The following IKBKE variants were observed in gnomAD, a reference collection of about 807,000 sequenced individuals.
IKBKE encodes inhibitor of nuclear factor kappa B kinase subunit epsilon, also known as inhibitor of nuclear factor kappa-B kinase subunit epsilon.
IKBKE carries 45 observed loss-of-function variants against 92.1 expected under a neutral mutation model. The observed-to-expected ratio is 0.49, with a 90% CI of 0.38 to 0.63. IKBKE has a LOEUF of 0.63. Among genes scored for constraint, IKBKE ranks in the 20% least tolerant of loss-of-function variants. The pLI is 0.00. For synonymous variants in IKBKE, 374 were observed against 380.3 expected, an observed-to-expected ratio of 0.98 and a Z score of 0.19; for missense variants, 700 against 932.8, an observed-to-expected ratio of 0.75 and a Z score of 3.25.
intron 21 of IKBKE, among the ~76,000 whole-genome samples, chr1:206,494,508 T>C (rs1400338897): frequency 6.6e-6 from 1 of 151,058 alleles, no homozygotes; most frequent in Non-Finnish European, 1.5e-5. Context: ...CTTGGGGTGC[T>C]GAGGGGTCAT....
intron 3 of IKBKE, among the ~76,000 whole-genome samples, chr1:206,473,764 C>T (rs139722197): frequency 3.9e-5 from 6 of 152,002 alleles, no homozygotes; most frequent in African/African-American, 1.4e-4. Flanking sequence ...GAGATCGAGA[C>T]CATCCTGGTC....
chr1:206,494,793 AG>A (rs1476616100), intron 21 of IKBKE, among the ~76,000 whole-genome samples: 1 of 150,900 alleles, frequency 6.6e-6, no homozygotes, highest in Non-Finnish European at 1.5e-5. Flanking sequence ...TAGTAGAGAC[AG>A]GGTTTCACCA....
In IKBKE at chr1:206,479,114, G is replaced by A. The variant is rs782681154; in HGVS notation, c.1164G>A (p.Lys388=). 1 of 1,606,782 alleles carries A rather than the reference G, an allele frequency of 6.2e-7. No homozygotes were observed. Among genetic ancestry groups the A allele is most frequent in the Admixed American group, 1.7e-5 (1 of 59,656 alleles). The change falls in exon 10 of 22, where the codon AAG becomes AAA. Residue 388 remains lysine, a synonymous_variant. Coordinates refer to ENST00000581977, the MANE Select transcript of IKBKE (RefSeq NM_014002.4). ...CCCTCTTCAGCACAGCCATCCCTAA[G>A]GGGCTGGCCTTCAGGGACCGTGAGT... ...PLTLFSTAIP[K]GLAFRDPALD... is the part of the protein sequence containing the mutation.
In IKBKE at chr1:206,478,402, C is replaced by A; in HGVS notation, c.992+63C>A. 6.7e-7 allele frequency: 1 copy of A among 1,498,994 alleles called. No individual in the cohort carries two copies. Among genetic ancestry groups the A allele is most frequent in the Non-Finnish European group, 9.2e-7 (1 of 1,088,386 alleles). The allele number at this position is 1,498,994 out of a possible 1,614,324, so 92.9% of individuals were successfully genotyped here. ...CTCTACCCAAGCAGCAGTGCATGTCCAAAGCAGCATCTCCCACAGTACGTT... is the reference window on the plus strand; with the variant it reads ...CTCTACCCAAGCAGCAGTGCATGTCAAAAGCAGCATCTCCCACAGTACGTT... On this transcript the variant is annotated intron_variant, in intron 9 of 21. Transcript: ENST00000581977. The surrounding 1 kb of genome is among the most constrained non-coding windows in gnomAD (Gnocchi z 4.8).
Position 206,490,955 on chromosome 1 carries a change from C to A in IKBKE, c.1733+97C>A. 9.0e-7 allele frequency: 1 copy of A among 1,113,750 alleles called. No individual in the cohort carries two copies. Among genetic ancestry groups the A allele is most frequent in the East Asian group, 2.3e-5 (1 of 42,680 alleles). The allele number at this position is 1,113,750 out of a possible 1,614,324, so 69.0% of individuals were successfully genotyped here. A position where few individuals can be genotyped will look rare whatever the true frequency, so the allele number is the denominator to read the frequency against. On this transcript the variant is annotated intron_variant, in intron 17 of 21. Coordinates refer to ENST00000581977, the MANE Select transcript of IKBKE (RefSeq NM_014002.4). This position sits in a 1 kb window ranked among gnomAD's most constrained non-coding sequence, Gnocchi z 5.2. ...GCCAGAGGAGAGGCAGTGAAGGGCC[C>A]TGTCCCGGACTGCAGCTGAGCAGAG...
At position 206,496,553 on chromosome 1, in the gene IKBKE, G is replaced by T; in HGVS notation, c.*408G>T. 1 of 261,802 alleles carries T rather than the reference G, an allele frequency of 3.8e-6. No individual in the cohort carries two copies. Among genetic ancestry groups the T allele is most frequent in the East Asian group, 5.7e-5 (1 of 17,620 alleles). The allele number at this position is 261,802 out of a possible 1,614,324, so 16.2% of individuals were successfully genotyped here. A position where few individuals can be genotyped will look rare whatever the true frequency, so the allele number is the denominator to read the frequency against. On this transcript the variant is annotated 3_prime_UTR_variant, in exon 22 of 22. Coordinates refer to ENST00000581977, the MANE Select transcript of IKBKE (RefSeq NM_014002.4). Reference sequence around the variant, plus strand: ...GGAGGCCTCCTGGGGTTTCCCCAGGGCAGTAGGTCAAACGACCTCATCACA... The same window carrying T: ...GGAGGCCTCCTGGGGTTTCCCCAGGTCAGTAGGTCAAACGACCTCATCACA...
chr1:206,476,098 G>A lies in IKBKE; in HGVS notation c.359-83G>A. ...GAACTCCTGTCTCTCTGGATGCAAG[G>A]ACAGCCTTCCCACCAAGATGAGCCT... On this transcript the variant is annotated intron_variant, in intron 5 of 21. Transcript: ENST00000581977. The surrounding 1 kb of genome is among the most constrained non-coding windows in gnomAD (Gnocchi z 5.1). 4 of 1,358,118 alleles carry A rather than the reference G, an allele frequency of 2.9e-6. No individual in the cohort carries two copies. The highest frequency in any genetic ancestry group is 2.4e-5 in the South Asian group (2 of 82,240). The allele number at this position is 1,358,118 out of a possible 1,614,324, so 84.1% of individuals were successfully genotyped here. A position where few individuals can be genotyped will look rare whatever the true frequency, so the allele number is the denominator to read the frequency against.
At position 206,479,850 on chromosome 1, in the gene IKBKE, G is replaced by C; in HGVS notation, c.1184-20G>C. 3.7e-6 allele frequency: 6 copies of C among 1,613,498 alleles called. No homozygotes were observed. The highest frequency in any genetic ancestry group is 4.2e-6 in the Non-Finnish European group (5 of 1,179,812). On this transcript the variant is annotated intron_variant, in intron 10 of 21. Transcript: ENST00000581977. ...CAGCACCATACAGGCAGGCCCCTCA[G>C]ACAGGGTCTTTGTCTGCAGCTGCTC...
intron 13 of IKBKE, among the ~76,000 whole-genome samples, chr1:206,481,875 G>A (rs1208507234): frequency 2.1e-5 from 3 of 145,016 alleles, no homozygotes; most frequent in East Asian, 2.1e-4. Context: ...CGCCTCCCGG[G>A]TTCACGCCAT....
chr1:206,478,965 G>A lies in IKBKE; in HGVS notation c.1015G>A (p.Val339Met), dbSNP rs782430885. 15 of 1,613,890 alleles carry A rather than the reference G, an allele frequency of 9.3e-6. No individual in the cohort carries two copies. The highest frequency in any genetic ancestry group is 1.1e-5 in the Non-Finnish European group (13 of 1,180,020). ...HNTIAIFQEA[V>M]HKQTSVAPRH... Reference sequence around the variant, plus strand: ...TAGGATAGCCATTTTCCAGGAGGCCGTGCACAAGCAGACCAGTGTGGCCCC... The same window carrying A: ...TAGGATAGCCATTTTCCAGGAGGCCATGCACAAGCAGACCAGTGTGGCCCC... Residue 339 changes from valine to methionine, a missense_variant, in exon 10 of 22, where the codon GTG becomes ATG. Physicochemically the swap from Val to Met is conservative, Grantham distance 21. Coordinates refer to ENST00000581977, the MANE Select transcript of IKBKE (RefSeq NM_014002.4). The surrounding 1 kb of genome is among the most constrained non-coding windows in gnomAD (Gnocchi z 4.8).
chr1:206,494,237 G>C (rs1666103384), intron 21 of IKBKE, among the ~76,000 whole-genome samples: 1 of 152,198 alleles, frequency 6.6e-6, no homozygotes. Flanking sequence ...TGGAGGCATG[G>C]GGTTTGTGCC....
rs782053907 is a variant in IKBKE, at chr1:206,479,147, C to T, written c.1183+14C>T. The T allele has an allele frequency of 1.3e-6, 2 of 1,564,536 alleles. No homozygotes were observed. The highest frequency in any genetic ancestry group is 1.4e-5 in the African/African-American group (1 of 73,998). ...CCTTCAGGGACCGTGAGTAGAGCCA[C>T]CTGGGCTGGATCTTTCTCCTCCCCA... is the stretch of plus-strand genomic sequence containing the variant. On this transcript the variant is annotated intron_variant, in intron 10 of 21. Coordinates refer to ENST00000581977, the MANE Select transcript of IKBKE (RefSeq NM_014002.4).
At chr1:206,491,941 C>G (rs1665968366) in intron 18 of IKBKE, 192 bp downstream of exon 18, 1 of 512,008 alleles carries the variant, frequency 2.0e-6, no homozygotes, top group Non-Finnish European at 3.6e-6. Flanking sequence ...AGCTTATTTA[C>G]TCCTACAACA....
chr1:206,483,226 G>T (rs558511599), intron 13 of IKBKE, among the ~76,000 whole-genome samples: 1 of 152,214 alleles, frequency 6.6e-6, no homozygotes, highest in Admixed American at 6.5e-5. Flanking sequence ...TTGTCTCCTC[G>T]TTTTATAGGT....
chr1:206,476,834 A>C lies in IKBKE; in HGVS notation c.697A>C (p.Ile233Leu), dbSNP rs782571698. The C allele has an allele frequency of 2.0e-5, 32 of 1,614,028 alleles. No homozygotes were observed. Among genetic ancestry groups the C allele is most frequent in the Admixed American group, 1.0e-4 (6 of 60,004 alleles). The change falls in exon 7 of 22, where the codon ATC (isoleucine) becomes CTC (leucine). Residue 233 changes from isoleucine to leucine, a missense_variant. Coordinates refer to ENST00000581977, the MANE Select transcript of IKBKE (RefSeq NM_014002.4). The surrounding 1 kb of genome is among the most constrained non-coding windows in gnomAD (Gnocchi z 5.1). Reference sequence around the variant, plus strand: ...TGGTGGGCCACGGCGGAACAAGGAGATCATGTACGGTGGGCCACAGGGCAG... The same window carrying C: ...TGGTGGGCCACGGCGGAACAAGGAGCTCATGTACGGTGGGCCACAGGGCAG... ...PFGGPRRNKEIMYRITTEKPA... is the reference protein window; with the variant it reads ...PFGGPRRNKELMYRITTEKPA...
rs531377734 is a variant in IKBKE at position 206,490,333 on chromosome 1, C to G, written c.1694-486C>G. ...CAGCCAAGGCCATGAAAGCTTCAGC[C>G]TTTCTGGCAAAAGTGGCTGGGCAGA... On this transcript the variant is annotated intron_variant, in intron 16 of 21. Coordinates refer to ENST00000581977, the MANE Select transcript of IKBKE (RefSeq NM_014002.4). The surrounding 1 kb of genome is among the most constrained non-coding windows in gnomAD (Gnocchi z 5.2). Among the ~76,000 whole-genome samples, 1 of 152,368 alleles carries G rather than the reference C, an allele frequency of 6.6e-6. No individual in the cohort carries two copies. Among genetic ancestry groups the G allele is most frequent in the East Asian group, 1.9e-4 (1 of 5,190 alleles).
intron 10 of IKBKE, 35 bp from the exon 11 acceptor site, chr1:206,479,835 C>T: frequency 1.9e-6 from 3 of 1,609,666 alleles, no homozygotes; most frequent in Non-Finnish European, 2.5e-6. Flanking sequence ...CAGCACCATA[C>T]AGGCAGGCCC....
In IKBKE at chr1:206,488,488, A is replaced by G. The variant is rs41299249; in HGVS notation, c.1693+498A>G. The stretch of plus-strand genomic sequence containing the variant: ...GCTTGATCCATTAATCCTCACAAGG[A>G]TGCTGTGGCAGGGGCAGCCCATTTA... On this transcript the variant is annotated intron_variant, in intron 16 of 21. Transcript: ENST00000581977. Among the ~76,000 whole-genome samples, 997 of 152,206 alleles carry G rather than the reference A, an allele frequency of 6.6e-3. 13 individuals are homozygous for G. The highest frequency in any genetic ancestry group is 0.023 in the African/African-American group (950 of 41,518).
intron 13 of IKBKE, among the ~76,000 whole-genome samples, chr1:206,484,162 T>TGTATTGTATC (rs1558479957): frequency 6.8e-6 from 1 of 148,006 alleles, no homozygotes; most frequent in East Asian, 2.0e-4. Context: ...TGTATTGTAT[T>TGTATTGTATC]ATTATTTTTG....
Sources: gnomAD v4.1 joint callset for allele counts (sites outside exome capture counted in the v4.1 genomes callset) on GRCh38, gnomAD v4.1.1 for gene constraint, Gnocchi (gnomAD v3.1) non-coding constraint, MANE v1.5 for transcripts, NCBI Gene and HGNC (gene_info 2026-07-23, HGNC 2026-07-21) for gene names.